CAPN2: variants seen among roughly 807,000 people sequenced by gnomAD.
CAPN2 encodes the protein calpain 2, also known as calpain-2 catalytic subunit.
In CAPN2, 92 loss-of-function variants were observed where a neutral mutation model predicts 102.3. The observed-to-expected ratio is 0.90, with a 90% CI of 0.76 to 1.07. The LOEUF is 1.07. Among genes scored for constraint, CAPN2 ranks in the 50% least tolerant of loss-of-function variants. CAPN2 has a pLI of 0.00. For synonymous variants in CAPN2, 340 were observed against 355.4 expected, an observed-to-expected ratio of 0.96 and a Z score of 0.49; for missense variants, 800 against 909.4, an observed-to-expected ratio of 0.88 and a Z score of 1.55.
Position 223,759,111 on chromosome 1 carries a change from C to T in CAPN2, c.1318-159C>T. On this transcript the variant is annotated intron_variant, in intron 11 of 20. Coordinates refer to ENST00000295006, the MANE Select transcript of CAPN2 (RefSeq NM_001748.5). This position sits in a 1 kb window ranked among gnomAD's most constrained non-coding sequence, Gnocchi z 4.6. ...TATAGATGAGGGCTTCCTGTGTTGC[C>T]CAGGCTGGTTTCTGACGCCTGGCCT... 1.5e-6 allele frequency: 1 copy of T among 681,160 alleles called. No homozygotes were observed. The allele number at this position is 681,160 out of a possible 1,614,324, so 42.2% of individuals were successfully genotyped here. A position where few individuals can be genotyped will look rare whatever the true frequency, so the allele number is the denominator to read the frequency against.
In CAPN2 at chr1:223,702,649, T is replaced by C. The variant is rs985475976; in HGVS notation, c.3+818T>C. ...CAAGAAGAGAGCAAAACGGGGAGGA[T>C]AGGACATAACCCACCTCCCAGAGAG... On this transcript the variant is annotated intron_variant, in intron 1 of 20. Transcript: ENST00000433674. Among the ~76,000 whole-genome samples, 21 of 152,254 alleles carry C rather than the reference T, an allele frequency of 1.4e-4. 1 individual carries two copies. In the Middle Eastern group the frequency reaches 0.017, roughly 123 times the overall value.
At chr1:223,702,089 G>GGGAGGGAT (rs1659492835) in intron 1 of CAPN2, among the ~76,000 whole-genome samples, 1 of 31,908 alleles carries the variant, frequency 3.1e-5, no homozygotes, top group African/African-American at 8.2e-5. Context: ...GAGGGAGGGA[G>GGGAGGGAT]GGAGGAAAGA....
chr1:223,729,349 T>A (rs1358834478), intron 2 of CAPN2, among the ~76,000 whole-genome samples: 6 of 152,364 alleles, frequency 3.9e-5, no homozygotes, highest in Admixed American at 3.9e-4. Flanking sequence ...TAGGCTACTG[T>A]AAGTGTTCTG....
intron 1 of CAPN2, among the ~76,000 whole-genome samples, chr1:223,706,783 G>A (rs1378366586): frequency 6.6e-6 from 1 of 152,172 alleles, no homozygotes; most frequent in East Asian, 1.9e-4. Context: ...GCTTTGGTTA[G>A]TATCTCCAGA....
At chr1:223,768,201 C>T in intron 16 of CAPN2, among the ~76,000 whole-genome samples, 1 of 149,666 alleles carries the variant, frequency 6.7e-6, no homozygotes, top group South Asian at 2.1e-4. Flanking sequence ...TTAATTAGAT[C>T]CCATTTGTCA....
intron 1 of CAPN2, 36 bp downstream of exon 1, chr1:223,712,913 G>A: frequency 1.4e-6 from 2 of 1,452,440 alleles, no homozygotes; most frequent in Non-Finnish European, 9.1e-7. Context: ...GCAGGGCGGG[G>A]TGCCGGGCAG....
rs1381689819 is a variant in CAPN2 at position 223,727,453 on chromosome 1, T to TG, written c.307+9628dup. ...ATGTCCCCTGGGGGCTTGGCGGAGT[T>TG]GGGGGGTGCATGGAATGCCCCCAGT... On this transcript the variant is annotated intron_variant, in intron 2 of 20. Coordinates refer to ENST00000295006, the MANE Select transcript of CAPN2 (RefSeq NM_001748.5). The surrounding 1 kb of genome is among the most constrained non-coding windows in gnomAD (Gnocchi z 4.1). 1.3e-5 allele frequency among the ~76,000 whole-genome samples: 2 copies of TG among 151,930 alleles called. No individual in the cohort carries two copies. Among genetic ancestry groups the TG allele is most frequent in the Admixed American group, 6.6e-5 (1 of 15,256 alleles).
chr1:223,734,406 C>T (rs1051118680), intron 2 of CAPN2, among the ~76,000 whole-genome samples: 1 of 152,208 alleles, frequency 6.6e-6, no homozygotes, highest in Non-Finnish European at 1.5e-5. Flanking sequence ...CCACCTCAGC[C>T]TCCCAGGTAG....
At position 223,771,897 on chromosome 1, in the gene CAPN2, G is replaced by GTGTT. The variant is rs781246239; in HGVS notation, c.1995_1998dup (p.Val667PhefsTer12). ...TCATCGATTTTGATAATTTTGTTCG[G>GTGTT]TGTTTGGTTCGGCTGGAAACGCTAT... On this transcript the variant is annotated frameshift_variant, in exon 19 of 21. Coordinates refer to ENST00000295006, the MANE Select transcript of CAPN2 (RefSeq NM_001748.5). LOFTEE classifies it high-confidence loss of function. 1 of 1,613,812 alleles carries GTGTT rather than the reference G, an allele frequency of 6.2e-7. No homozygotes were observed. Among genetic ancestry groups the GTGTT allele is most frequent in the South Asian group, 1.1e-5 (1 of 91,068 alleles).
chr1:223,717,572 C>T (rs1166357897), intron 1 of CAPN2, among the ~76,000 whole-genome samples, 190 bp from the exon 2 acceptor site: 1 of 152,110 alleles, frequency 6.6e-6, no homozygotes, highest in Non-Finnish European at 1.5e-5. Flanking sequence ...CACCCATCCA[C>T]CCATCAGGGC....
At chr1:223,749,301 C>A in intron 6 of CAPN2, 179 bp downstream of exon 6, 1 of 602,688 alleles carries the variant, frequency 1.7e-6, no homozygotes, top group Non-Finnish European at 2.9e-6. Flanking sequence ...GCTCGGGCGC[C>A]GGGTGCGCCG....
chr1:223,767,329 T>TCCCTCCC (rs1661363839), intron 16 of CAPN2, among the ~76,000 whole-genome samples: 1 of 101,876 alleles, frequency 9.8e-6, no homozygotes, highest in Admixed American at 1.2e-4. Context: ...CCCAATGCCA[T>TCCCTCCC]CCCTCCCCCC....
intron 18 of CAPN2, 85 bp from the exon 19 acceptor site, chr1:223,771,721 TCAC>T (rs1266881196): frequency 1.8e-5 from 15 of 849,446 alleles, no homozygotes; most frequent in Admixed American, 3.8e-5. Flanking sequence ...CTCATTTAAA[TCAC>T]CACATTAGTT....
intron 2 of CAPN2, among the ~76,000 whole-genome samples, chr1:223,724,185 G>A (rs1424603677): frequency 6.6e-6 from 1 of 152,200 alleles, no homozygotes; most frequent in Non-Finnish European, 1.5e-5. Flanking sequence ...TAGCTGGACT[G>A]GTGTTTGTGA....
intron 1 of CAPN2, among the ~76,000 whole-genome samples, chr1:223,706,747 C>G (rs1342159694): frequency 6.6e-6 from 1 of 152,126 alleles, no homozygotes; most frequent in East Asian, 1.9e-4. Context: ...GAGACTGACA[C>G]GTGGAGGTGC....
rs1335901085 is a variant in CAPN2, at chr1:223,769,907, CAAGT to C, written c.1824+2_1824+5del. 1.9e-6 allele frequency: 3 copies of C among 1,595,460 alleles called. No homozygotes were observed. The highest frequency in any genetic ancestry group is 2.3e-5 in the East Asian group (1 of 44,148). ...TCTCTGGACGAAGATTCAAAAATAC[CAAGT>C]AAGATCCCAGAGATGCGGGTGGATC... On this transcript the variant is annotated splice_donor_variant and coding_sequence_variant, in exon 17 of 21. Coordinates refer to ENST00000295006, the MANE Select transcript of CAPN2 (RefSeq NM_001748.5). LOFTEE classifies it high-confidence loss of function.
At chr1:223,758,100 A>G (rs1419187328) in intron 11 of CAPN2, 1 of 152,074 alleles carries the variant, frequency 6.6e-6, no homozygotes, top group Non-Finnish European at 1.5e-5. Context: ...ACCTCAGGTG[A>G]TCCACCCCCT....
At chr1:223,770,757 C>T (rs1661452465) in intron 18 of CAPN2, 2 of 362,096 alleles carry the variant, frequency 5.5e-6, no homozygotes, top group Non-Finnish European at 1.0e-5. Flanking sequence ...CCTTTGGAGC[C>T]GCCTGGCACA....
chr1:223,704,159 C>T (rs1052743094), intron 1 of CAPN2, among the ~76,000 whole-genome samples: 8 of 151,978 alleles, frequency 5.3e-5, no homozygotes, highest in South Asian at 4.2e-4. Flanking sequence ...GGCATGGTGG[C>T]GCATGCCTGT....
Sources: gnomAD v4.1 joint callset for allele counts (sites outside exome capture counted in the v4.1 genomes callset) on GRCh38, gnomAD v4.1.1 for gene constraint, Gnocchi (gnomAD v3.1) non-coding constraint, MANE v1.5 for transcripts, NCBI Gene and HGNC (gene_info 2026-07-23, HGNC 2026-07-21) for gene names.